CECR2: variants seen among roughly 807,000 people sequenced by gnomAD.
The protein encoded by CECR2 is chromatin remodeling regulator CECR2.
CECR2 carries 30 observed loss-of-function variants against 154.5 expected under a neutral mutation model. That is an observed-to-expected ratio of 0.19 (90% CI 0.15 to 0.26). The LOEUF is 0.26. Among genes scored for constraint, CECR2 ranks in the 10% least tolerant of loss-of-function variants. CECR2 has a pLI of 1.00. For missense variants in CECR2, 1,743 were observed against 1,829.3 expected, an observed-to-expected ratio of 0.95 and a Z score of 0.86; for synonymous variants, 725 against 683.7, an observed-to-expected ratio of 1.06 and a Z score of -0.94.
intron 1 of CECR2, among the ~76,000 whole-genome samples, chr22:17,402,868 C>T (rs990386996): frequency 3.3e-5 from 5 of 151,750 alleles, no homozygotes; most frequent in African/African-American, 9.7e-5. Flanking sequence ...AGCAGTTCTC[C>T]TGCCTCAGCC....
chr22:17,477,576 TC>T lies in CECR2; in HGVS notation c.127-9del. 1 of 1,572,100 alleles carries T rather than the reference TC, an allele frequency of 6.4e-7. No individual in the cohort carries two copies. The highest frequency in any genetic ancestry group is 8.8e-7 in the Non-Finnish European group (1 of 1,142,572). ...TGTTTGATTTCTCAACTTCCCTCTC[TC>T]CCTCCCTCAGGAGTTAGAAGCCGCT... is the stretch of plus-strand genomic sequence containing the variant. On this transcript the variant is annotated splice_polypyrimidine_tract_variant and intron_variant, in intron 1 of 18. Transcript: ENST00000262608.
At chr22:17,495,700 A>G (rs1019028439) in intron 2 of CECR2, among the ~76,000 whole-genome samples, 29 of 151,878 alleles carry the variant, frequency 1.9e-4, no homozygotes, top group African/African-American at 7.0e-4. Context: ...GTCTCTACTA[A>G]AAATACAAAA....
chr22:17,538,633 C>T lies in CECR2; in HGVS notation c.1277-7C>T. 6.2e-7 allele frequency: 1 copy of T among 1,613,930 alleles called. No homozygotes were observed. The highest frequency in any genetic ancestry group is 8.5e-7 in the Non-Finnish European group (1 of 1,179,816). The stretch of plus-strand genomic sequence containing the variant: ...GAGTGTGTTAAGATCTCTTCTCTGG[C>T]TTTCAGTTCTAGACGTGGTAAAGGC... On this transcript the variant is annotated splice_polypyrimidine_tract_variant and splice_region_variant and intron_variant, in intron 11 of 18. Coordinates refer to ENST00000262608, the MANE Select transcript of CECR2 (RefSeq NM_001290047.2).
intron 1 of CECR2, among the ~76,000 whole-genome samples, chr22:17,408,510 C>T (rs1324880222): frequency 1.3e-5 from 2 of 152,090 alleles, no homozygotes; most frequent in East Asian, 3.9e-4. Flanking sequence ...ATGTTGTTTG[C>T]TCAGCATTTT....
At chr22:17,370,524 G>C (rs930817639) in intron 1 of CECR2, among the ~76,000 whole-genome samples, 84 of 152,112 alleles carry the variant, frequency 5.5e-4, no homozygotes, top group Non-Finnish European at 1.9e-4. Flanking sequence ...GAAAGTTTGG[G>C]ACTCCGTTAT....
Position 17,408,142 on chromosome 22 carries a change from G to A in CECR2, c.126+38233G>A, listed in dbSNP as rs182630172. On this transcript the variant is annotated intron_variant, in intron 1 of 18. Transcript: ENST00000262608. ...GAATTCAATATGTTGTGCAGCTGTC[G>A]TTTCTATCTAGTTCCAAGACGTTTT... Among the ~76,000 whole-genome samples, 326 of 152,208 alleles carry A rather than the reference G, an allele frequency of 2.1e-3. 1 individual carries two copies. The highest frequency in any genetic ancestry group is 6.2e-3 in the African/African-American group (259 of 41,524).
upstream of CECR2, among the ~76,000 whole-genome samples, chr22:17,368,340 T>A (rs1008663183): frequency 1.3e-5 from 2 of 152,162 alleles, no homozygotes; most frequent in Non-Finnish European, 2.9e-5. Context: ...TTGATTAATT[T>A]GGGGGACGCA....
chr22:17,540,705 C>T lies in CECR2; in HGVS notation c.1789C>T (p.Pro597Ser). Residue 597 changes from proline to serine, a missense_variant, in exon 14 of 19, where the codon CCC (proline) becomes TCC (serine). By Grantham distance (74) the Pro-to-Ser change is moderately conservative. Around this residue, in one of 4 missense-constraint regions of CECR2, gnomAD observed 1,250 missense variants for 1,192.1 expected, o/e 1.05. Coordinates refer to ENST00000262608, the MANE Select transcript of CECR2 (RefSeq NM_001290047.2). ...GDDQSSSSTQ[P>S]PREVGTSNGR... ...CGATCAGAGCAGCAGCTCCACACAG[C>T]CCCCGCGGGAGGTGGGCACTTCCAA... 1.9e-6 allele frequency: 3 copies of T among 1,613,292 alleles called. No homozygotes were observed. The highest frequency in any genetic ancestry group is 2.5e-6 in the Non-Finnish European group (3 of 1,179,558).
chr22:17,538,448 C>T (rs535710945), intron 10 of CECR2, 72 bp from the exon 11 acceptor site: 70 of 1,346,748 alleles, frequency 5.2e-5, no homozygotes, highest in Non-Finnish European at 4.9e-5. Flanking sequence ...GGTGTGTCTG[C>T]GATAGACCTG....
intron 1 of CECR2, among the ~76,000 whole-genome samples, chr22:17,418,262 CAT>C (rs1229242743): frequency 6.6e-6 from 1 of 152,200 alleles, no homozygotes; most frequent in Non-Finnish European, 1.5e-5. Context: ...GCAATCATAA[CAT>C]ATGCCGTTTT....
chr22:17,521,494 C>T (rs1373028507), intron 8 of CECR2, among the ~76,000 whole-genome samples: 3 of 150,002 alleles, frequency 2.0e-5, no homozygotes, highest in East Asian at 2.0e-4. Context: ...CACTGCACTC[C>T]AGCCTGGGTG....
intron 8 of CECR2, among the ~76,000 whole-genome samples, chr22:17,513,825 C>G (rs143086649): frequency 1.3e-5 from 2 of 152,190 alleles, no homozygotes; most frequent in Non-Finnish European, 2.9e-5. Context: ...TTCCTAGATG[C>G]CATAACTTAA....
At chr22:17,420,531 A>G (rs1379727070) in intron 1 of CECR2, among the ~76,000 whole-genome samples, 10 of 152,212 alleles carry the variant, frequency 6.6e-5, no homozygotes, top group African/African-American at 1.9e-4. Flanking sequence ...AACCCTAAGG[A>G]GTCTCAAGAA....
intron 16 of CECR2, among the ~76,000 whole-genome samples, chr22:17,545,374 C>CAAAAAAAAAAAAAAAAAAAAAAAA (rs695493): frequency 2.2e-5 from 1 of 46,440 alleles, no homozygotes; most frequent in Admixed American, 3.4e-4. Flanking sequence ...GACTCCGTCT[C>CAAAAAAAAAAAAAAAAAAAAAAAA]AAAAAAAAAA....
At chr22:17,498,541 A>T (rs1390779668) in intron 3 of CECR2, among the ~76,000 whole-genome samples, 1 of 152,210 alleles carries the variant, frequency 6.6e-6, no homozygotes, top group African/African-American at 2.4e-5. Flanking sequence ...ATTATAAAAA[A>T]ATCATTGTGT....
upstream of CECR2, among the ~76,000 whole-genome samples, chr22:17,366,810 T>G (rs1382272780): frequency 6.6e-6 from 1 of 152,118 alleles, no homozygotes; most frequent in East Asian, 1.9e-4. Context: ...CTCGGGGAAC[T>G]CAAGATTGAG....
chr22:17,549,542 C>A lies in CECR2; in HGVS notation c.4255C>A (p.Gln1419Lys). 6.3e-7 allele frequency: 1 copy of A among 1,596,726 alleles called. No homozygotes were observed. The highest frequency in any genetic ancestry group is 8.5e-7 in the Non-Finnish European group (1 of 1,171,736). ...GTRSGIRGPF[Q>K]EMYRPSGMQM... ...TAGAAGTGGAATAAGAGGACCTTTC[C>A]AGGAAATGTACAGACCATCAGGGTA... Residue 1419 changes from glutamine to lysine, a missense_variant, in exon 17 of 19, where the codon CAG (glutamine) becomes AAG (lysine). Physicochemically the swap from Gln to Lys is moderately conservative, Grantham distance 53. Coordinates refer to ENST00000262608, the MANE Select transcript of CECR2 (RefSeq NM_001290047.2).
chr22:17,424,021 T>A (rs905088568), intron 1 of CECR2, among the ~76,000 whole-genome samples: 3 of 152,224 alleles, frequency 2.0e-5, no homozygotes, highest in African/African-American at 7.2e-5. Context: ...ACTCTGCATC[T>A]TCTATTCAGA....
rs566500114 is a variant in CECR2 at position 17,413,878 on chromosome 22, C to T, written c.126+43969C>T. ...TTTTTTAGTAGAGACAGGGTTTCAC[C>T]ATGGTAGCCAGGATGGTCTCGATCA... On this transcript the variant is annotated intron_variant, in intron 1 of 18. Coordinates refer to ENST00000262608, the MANE Select transcript of CECR2 (RefSeq NM_001290047.2). Among the ~76,000 whole-genome samples the T allele has an allele frequency of 4.6e-4, 68 of 149,212 alleles. No individual in the cohort carries two copies. In the East Asian group the frequency reaches 0.01, roughly 23 times the overall value.
Sources: allele counts gnomAD v4.1 joint callset (sites outside exome capture counted in the v4.1 genomes callset), GRCh38; gene constraint gnomAD v4.1.1; regional missense constraint gnomAD v4.1.1; transcripts MANE v1.5; gene names NCBI Gene and HGNC (gene_info 2026-07-23, HGNC 2026-07-21).